ZC3H18: variants seen among roughly 807,000 people sequenced by gnomAD.
ZC3H18 encodes the protein zinc finger CCCH-type containing 18.
In ZC3H18, 8 loss-of-function variants were observed where a neutral mutation model predicts 106.1. The observed-to-expected ratio is 0.08, with a 90% confidence interval of 0.04 to 0.14. The LOEUF is 0.14. Ranked by LOEUF, ZC3H18 falls within the 10% of genes least tolerant of loss-of-function variation. The probability of loss-of-function intolerance (pLI) is 1.00; values close to 1 mark genes in which losing one functional copy is unlikely to be tolerated. For synonymous variants in ZC3H18, 635 were observed against 522.1 expected (o/e 1.22, Z -2.95); for missense variants, 1,318 against 1,278.4 (o/e 1.03, Z -0.47).
Position 88,631,661 on chromosome 16 carries a change from C to T in ZC3H18, c.*362C>T, listed in dbSNP as rs1250449643. ...CAGCTCTGGGTCCCTAGCCCGGGTC[C>T]AGGCAGCCAGGCTCCCTCCTGAGCT... is the stretch of plus-strand genomic sequence containing the variant. On this transcript the variant is annotated 3_prime_UTR_variant, in exon 18 of 18. Coordinates refer to ENST00000301011, the MANE Select transcript of ZC3H18 (RefSeq NM_144604.4). 2 of 470,460 alleles carry T rather than the reference C, an allele frequency of 4.3e-6. No individual in the cohort carries two copies. Among genetic ancestry groups the T allele is most frequent in the Admixed American group, 4.7e-5 (2 of 42,822 alleles). The allele number at this position is 470,460 out of a possible 1,614,324, so 29.1% of individuals were successfully genotyped here. A position where few individuals can be genotyped will look rare whatever the true frequency, so the allele number is the denominator to read the frequency against.
At chr16:88,612,828 C>T (rs896677114) in intron 8 of ZC3H18, among the ~76,000 whole-genome samples, 2 of 151,712 alleles carry the variant, frequency 1.3e-5, no homozygotes, top group African/African-American at 2.4e-5. Context: ...TGGCAAAATC[C>T]CGTCTCTACA....
At position 88,609,026 on chromosome 16, in the gene ZC3H18, A is replaced by G. The variant is rs779967240; in HGVS notation, c.1181A>G (p.Glu394Gly). ...GAGAATTTCAGGGTGCAGTATACAG[A>G]AACAGAGCCGTATCATAATTACCGA... ...QYENFRVQYTETEPYHNYRER... is the reference protein window; with the variant it reads ...QYENFRVQYTGTEPYHNYRER... Residue 394 changes from glutamate to glycine, a missense_variant, in exon 7 of 18, where the codon GAA (glutamate) becomes GGA (glycine). Around this residue, in one of 6 missense-constraint regions of ZC3H18, gnomAD observed 848 missense variants for 821.7 expected, o/e 1.03. Transcript: ENST00000301011. The G allele has an allele frequency of 3.3e-5, 53 of 1,613,664 alleles. No homozygotes were observed. The South Asian group carries it at 5.4e-4, about 16-fold the overall frequency.
chr16:88,597,678 G>C (rs1033110224), intron 3 of ZC3H18, among the ~76,000 whole-genome samples: 1 of 152,204 alleles, frequency 6.6e-6, no homozygotes, highest in African/African-American at 2.4e-5. Context: ...GAAATGCCCT[G>C]TGAGAGTTTT....
intron 13 of ZC3H18, 143 bp downstream of exon 13, chr16:88,625,410 C>A: frequency 2.0e-6 from 2 of 1,003,042 alleles, no homozygotes; most frequent in Non-Finnish European, 3.0e-6. Flanking sequence ...CTGTGGAAGG[C>A]TGCGGTTGAA....
chr16:88,614,254 A>C (rs1173513429), intron 8 of ZC3H18, among the ~76,000 whole-genome samples: 1 of 152,238 alleles, frequency 6.6e-6, no homozygotes, highest in Non-Finnish European at 1.5e-5. Flanking sequence ...TGGAGGGGCC[A>C]CAGTTCTCAT....
In ZC3H18 at chr16:88,598,163, C is replaced by T; in HGVS notation, c.689-15C>T. The T allele has an allele frequency of 6.3e-7, 1 of 1,575,556 alleles. No individual in the cohort carries two copies. The highest frequency in any genetic ancestry group is 8.6e-7 in the Non-Finnish European group (1 of 1,160,452). On this transcript the variant is annotated splice_polypyrimidine_tract_variant and intron_variant, in intron 3 of 17. Transcript: ENST00000301011. ...CTCTTGTGGACCCTTTCTGATCTCA[C>T]TTTTGTTTCCATAGGGAACTGTACC...
Position 88,631,084 on chromosome 16 carries a change from T to C in ZC3H18, c.2664-17T>C, listed in dbSNP as rs769561739. 91 of 1,610,658 alleles carry C rather than the reference T, an allele frequency of 5.6e-5. No individual in the cohort carries two copies. Among genetic ancestry groups the C allele is most frequent in the Non-Finnish European group, 7.4e-5 (87 of 1,179,936 alleles). ...CGTGGCTTCTGGGGGCTCAAGGTCT[T>C]CCCCACCCCCTTGTAGGAAGCGCCA... On this transcript the variant is annotated splice_polypyrimidine_tract_variant and intron_variant, in intron 17 of 17. Coordinates refer to ENST00000301011, the MANE Select transcript of ZC3H18 (RefSeq NM_144604.4).
intron 8 of ZC3H18, 32 bp from the exon 9 acceptor site, chr16:88,622,165 C>T: frequency 6.3e-7 from 1 of 1,589,816 alleles, no homozygotes; most frequent in Middle Eastern, 1.7e-4. Context: ...CGGAAGGTGG[C>T]CTGAGAGTTG....
rs942610682 is a variant in ZC3H18, at chr16:88,578,222, G to T, written c.603+496G>T. Among the ~76,000 whole-genome samples, 212 of 152,298 alleles carry T rather than the reference G, an allele frequency of 1.4e-3. 1 individual carries two copies. The highest frequency in any genetic ancestry group is 4.6e-4 in the Non-Finnish European group (31 of 68,018). ...GGTCCTAGAGCCTGACCTCTGGAGA[G>T]GGCACCAGCTGGGCCAGGCCTCTTT... On this transcript the variant is annotated intron_variant, in intron 2 of 17. Transcript: ENST00000301011.
intron 8 of ZC3H18, among the ~76,000 whole-genome samples, chr16:88,619,299 G>C (rs995635621): frequency 2.0e-5 from 3 of 152,168 alleles, no homozygotes; most frequent in Non-Finnish European, 2.9e-5. Context: ...GGAAAAAAAT[G>C]GTTATCTGCA....
chr16:88,575,385 G>A (rs544435456), intron 1 of ZC3H18, among the ~76,000 whole-genome samples: 2 of 152,118 alleles, frequency 1.3e-5, no homozygotes, highest in South Asian at 4.2e-4. Flanking sequence ...TTGCCGAGAT[G>A]CCGAGCAGTG....
At chr16:88,593,940 A>T (rs537858124) in intron 3 of ZC3H18, among the ~76,000 whole-genome samples, 1 of 152,336 alleles carries the variant, frequency 6.6e-6, no homozygotes, top group South Asian at 2.1e-4. Context: ...AGACCAATGG[A>T]TTTCAGAAGA....
rs1293855596 is a variant in ZC3H18 at position 88,624,689 on chromosome 16, A to G, written c.1986A>G (p.Pro662=). Residue 662 remains proline, a synonymous_variant, in exon 12 of 18, where the codon CCA becomes CCG. Coordinates refer to ENST00000301011, the MANE Select transcript of ZC3H18 (RefSeq NM_144604.4). ...TTAPVPEPTK[P]GDPREARRKE... ...CTCCTGTCCCCGAGCCCACCAAGCC[A>G]GGAGACCCTCGGGAAGCCAGGAGGA... 7 of 1,612,678 alleles carry G rather than the reference A, an allele frequency of 4.3e-6. No individual in the cohort carries two copies. The East Asian group carries it at 1.6e-4, about 36-fold the overall frequency.
At chr16:88,586,268 A>C (rs1286892170) in intron 2 of ZC3H18, among the ~76,000 whole-genome samples, 6 of 152,180 alleles carry the variant, frequency 3.9e-5, no homozygotes. Context: ...TTTTATTTAA[A>C]TGTTAAAAGT....
chr16:88,597,065 C>T (rs375821970), intron 3 of ZC3H18, among the ~76,000 whole-genome samples: 1 of 152,180 alleles, frequency 6.6e-6, no homozygotes, highest in Non-Finnish European at 1.5e-5. Flanking sequence ...GGACTACAGG[C>T]ACCTGCCACC....
At chr16:88,617,717 G>GC (rs1240653248) in intron 8 of ZC3H18, among the ~76,000 whole-genome samples, 3 of 152,174 alleles carry the variant, frequency 2.0e-5, no homozygotes, top group Non-Finnish European at 4.4e-5. Flanking sequence ...GGAAGCACTC[G>GC]CCCCCCAGCA....
intron 17 of ZC3H18, 146 bp from the exon 18 acceptor site, chr16:88,630,955 G>A: frequency 1.0e-6 from 1 of 993,304 alleles, no homozygotes; most frequent in Non-Finnish European, 1.5e-6. Flanking sequence ...CCTGCTTGTG[G>A]CAGTGGGAGC....
chr16:88,614,848 C>T (rs1905481631), intron 8 of ZC3H18, among the ~76,000 whole-genome samples: 1 of 152,264 alleles, frequency 6.6e-6, no homozygotes, highest in Non-Finnish European at 1.5e-5. Flanking sequence ...GCCTTCTCCC[C>T]TGAGACCCCA....
chr16:88,577,946 AG>A (rs1249004919), intron 2 of ZC3H18, among the ~76,000 whole-genome samples: 1 of 152,226 alleles, frequency 6.6e-6, no homozygotes, highest in African/African-American at 2.4e-5. Context: ...AGCTGCCAGC[AG>A]GGTTTCCGTG....
Sources: allele counts gnomAD v4.1 joint callset (sites outside exome capture counted in the v4.1 genomes callset), GRCh38; gene constraint gnomAD v4.1.1; regional missense constraint gnomAD v4.1.1; transcripts MANE v1.5; gene names NCBI Gene and HGNC (gene_info 2026-07-23, HGNC 2026-07-21).